Variants in NT5C2 observed in about 807,000 individuals in gnomAD.
NT5C2 encodes the protein 5'-nucleotidase, cytosolic II.
Under a neutral mutation model 76.1 loss-of-function variants are expected in NT5C2, and 58 were observed. The observed-to-expected ratio is 0.76, with a 90% CI of 0.62 to 0.95. The LOEUF (loss-of-function observed/expected upper bound fraction) is 0.95. Ranked by LOEUF, NT5C2 falls within the 40% of genes least tolerant of loss-of-function variation. The probability of loss-of-function intolerance (pLI) is 0.00; values close to 1 mark genes in which losing one functional copy is unlikely to be tolerated. For synonymous variants in NT5C2, 229 were observed against 237.4 expected (o/e 0.96, Z 0.32); for missense variants, 478 against 690.3 (o/e 0.69, Z 3.45).
intron 3 of NT5C2, among the ~76,000 whole-genome samples, chr10:103,159,554 TGG>T (rs2084291665): frequency 6.6e-6 from 1 of 150,470 alleles, no homozygotes; most frequent in Non-Finnish European, 1.5e-5. Context: ...GAAGCTGAGG[TGG>T]GAGAATCACG....
intron 4 of NT5C2, among the ~76,000 whole-genome samples, chr10:103,109,065 G>T (rs981783424): frequency 6.6e-6 from 1 of 152,000 alleles, no homozygotes; most frequent in Non-Finnish European, 1.5e-5. Context: ...GGCCAGGCTG[G>T]TCTCGAACTC....
At chr10:103,116,219 A>G (rs2074298700) in intron 4 of NT5C2, among the ~76,000 whole-genome samples, 1 of 152,170 alleles carries the variant, frequency 6.6e-6, no homozygotes, top group South Asian at 2.1e-4. Context: ...CATACATACA[A>G]AAGTAGAGGA....
chr10:103,171,888 G>A (rs1591729217), intron 3 of NT5C2, among the ~76,000 whole-genome samples: 3 of 151,970 alleles, frequency 2.0e-5, no homozygotes, highest in East Asian at 1.9e-4. Flanking sequence ...GCAAGACCCC[G>A]TCTCTAATAA....
At chr10:103,115,494 T>C (rs1011247649) in intron 4 of NT5C2, among the ~76,000 whole-genome samples, 5 of 152,218 alleles carry the variant, frequency 3.3e-5, no homozygotes, top group Non-Finnish European at 5.9e-5. Flanking sequence ...TTACATGACA[T>C]TTATTCACAC....
chr10:103,142,218 C>A (rs891158028), intron 3 of NT5C2, among the ~76,000 whole-genome samples: 31 of 151,940 alleles, frequency 2.0e-4, no homozygotes, highest in African/African-American at 6.3e-4. Flanking sequence ...TTTTGTAAGC[C>A]ACATTAGGGA....
chr10:103,176,515 T>C (rs1173018342), intron 2 of NT5C2, among the ~76,000 whole-genome samples: 1 of 152,186 alleles, frequency 6.6e-6, no homozygotes, highest in African/African-American at 2.4e-5. Flanking sequence ...TTTTAGTCTC[T>C]TGTGCTGTGT....
chr10:103,139,307 C>A lies in NT5C2; in HGVS notation c.175+99G>T, dbSNP rs1362179638. 1.0e-5 allele frequency: 7 copies of A among 670,392 alleles called. No individual in the cohort carries two copies. In the Admixed American group the frequency reaches 2.5e-4, roughly 24 times the overall value. The allele number at this position is 670,392 out of a possible 1,614,324, so 41.5% of individuals were successfully genotyped here. On this transcript the variant is annotated intron_variant, in intron 4 of 18. Coordinates refer to ENST00000404739, the MANE Select transcript of NT5C2 (RefSeq NM_001351169.2). ...AATAAAAGCTTCTGGCAGCCAAATACATGATTAAGTCAGCAAATGTCAATT... is the reference window on the plus strand; with the variant it reads ...AATAAAAGCTTCTGGCAGCCAAATAAATGATTAAGTCAGCAAATGTCAATT...
chr10:103,184,652 T>C (rs1459854732), intron 1 of NT5C2, among the ~76,000 whole-genome samples: 1 of 152,234 alleles, frequency 6.6e-6, no homozygotes, highest in Non-Finnish European at 1.5e-5. Context: ...AGCCTATTTT[T>C]GTGTAAGCCT....
intron 2 of NT5C2, among the ~76,000 whole-genome samples, chr10:103,178,048 C>T (rs2090339754): frequency 6.6e-6 from 1 of 152,144 alleles, no homozygotes; most frequent in Admixed American, 6.5e-5. Context: ...TTTGTGTCTG[C>T]CTTCTTTCAG....
chr10:103,183,268 T>TG (rs1277306629), intron 1 of NT5C2, among the ~76,000 whole-genome samples: 8 of 115,802 alleles, frequency 6.9e-5, no homozygotes, highest in South Asian at 3.2e-4. Context: ...GTGTGATATA[T>TG]ATATATATAT....
At position 103,091,589 on chromosome 10, in the gene NT5C2, C is replaced by T; in HGVS notation, c.1186G>A (p.Asp396Asn). 1 of 1,613,512 alleles carries T rather than the reference C, an allele frequency of 6.2e-7. No homozygotes were observed. The highest frequency in any genetic ancestry group is 8.5e-7 in the Non-Finnish European group (1 of 1,179,638). ...SSLFEELQSL[D>N]IFLAELYKHL... ...TTGTAGAGTTCAGCCAAGAAAATATCCAAGCTCTGAAGTTCTTCGAAAAGT... is the reference window on the plus strand; with the variant it reads ...TTGTAGAGTTCAGCCAAGAAAATATTCAAGCTCTGAAGTTCTTCGAAAAGT... The change falls in exon 16 of 19, where the codon GAT becomes AAT. Residue 396 changes from aspartate (D) to asparagine (N), a missense_variant. By Grantham distance (23) the Asp-to-Asn change is conservative (BLOSUM62 1). Coordinates refer to ENST00000404739, the MANE Select transcript of NT5C2 (RefSeq NM_001351169.2).
intron 1 of NT5C2, among the ~76,000 whole-genome samples, chr10:103,192,745 T>C (rs1182646852): frequency 6.6e-6 from 1 of 152,056 alleles, no homozygotes; most frequent in East Asian, 1.9e-4. Context: ...CGAGGAGCTC[T>C]GGGGGCGGGG....
At chr10:103,149,647 G>C (rs1480370288) in intron 3 of NT5C2, among the ~76,000 whole-genome samples, 2 of 151,944 alleles carry the variant, frequency 1.3e-5, no homozygotes, top group South Asian at 4.2e-4. Flanking sequence ...CCAGTGTATA[G>C]AGGATCATTC....
intron 3 of NT5C2, among the ~76,000 whole-genome samples, chr10:103,161,305 A>C (rs776157053): frequency 6.6e-6 from 1 of 151,960 alleles, no homozygotes; most frequent in Non-Finnish European, 1.5e-5. Flanking sequence ...AGCCTCTTGA[A>C]TAGCTGGGAC....
chr10:103,178,156 G>A (rs2090359504), intron 2 of NT5C2, among the ~76,000 whole-genome samples: 1 of 152,138 alleles, frequency 6.6e-6, no homozygotes, highest in Admixed American at 6.5e-5. Context: ...GGCGCAACTG[G>A]CTCTCCTTTT....
In NT5C2 at chr10:103,091,078, A is replaced by C. The variant is rs11191551; in HGVS notation, c.1212-82T>G. 2.4e-6 allele frequency: 3 copies of C among 1,257,340 alleles called. No individual in the cohort carries two copies. In the East Asian group the frequency reaches 7.1e-5, roughly 30 times the overall value. 77.9% of individuals were successfully genotyped at this position (1,257,340 alleles called of 1,614,324 possible). On this transcript the variant is annotated intron_variant, in intron 16 of 18. Coordinates refer to ENST00000404739, the MANE Select transcript of NT5C2 (RefSeq NM_001351169.2). ...TTAAGACAGTCTCATTCTGTCACTCAGGCTGGAGTGCAGGGGTGTGATCGC... is the reference window on the plus strand; with the variant it reads ...TTAAGACAGTCTCATTCTGTCACTCCGGCTGGAGTGCAGGGGTGTGATCGC...
intron 3 of NT5C2, among the ~76,000 whole-genome samples, chr10:103,158,372 T>C (rs2083934582): frequency 6.6e-6 from 1 of 151,728 alleles, no homozygotes; most frequent in South Asian, 2.1e-4. Flanking sequence ...ACAGAAATAA[T>C]ATATTACAGA....
chr10:103,168,418 G>C (rs1294776070), intron 3 of NT5C2, among the ~76,000 whole-genome samples: 1 of 152,200 alleles, frequency 6.6e-6, no homozygotes, highest in African/African-American at 2.4e-5. Flanking sequence ...TCAATGTAGA[G>C]AGCAGATGAA....
At chr10:103,153,549 T>A in intron 3 of NT5C2, 1 of 985,392 alleles carries the variant, frequency 1.0e-6, no homozygotes, top group Non-Finnish European at 1.2e-6. Context: ...AAATAACTAA[T>A]GGCCTGAACT....
Sources: allele counts gnomAD v4.1 joint callset (sites outside exome capture counted in the v4.1 genomes callset), GRCh38; gene constraint gnomAD v4.1.1; transcripts MANE v1.5; gene names NCBI Gene and HGNC (gene_info 2026-07-23, HGNC 2026-07-21).